NPVF: variants seen among roughly 807,000 people sequenced by gnomAD.
The protein encoded by NPVF is pro-FMRFamide-related neuropeptide VF.
NPVF carries 17 observed loss-of-function variants against 15.7 expected under a neutral mutation model. The ratio of observed to expected loss-of-function variants is 1.08; its 90% CI spans 0.74 to 1.62. NPVF has a LOEUF of 1.62. NPVF is among the 40% of genes most tolerant of loss of function. The pLI is 0.00. For synonymous variants in NPVF, 70 were observed against 80.1 expected, an observed-to-expected ratio of 0.87 and a Z score of 0.67; for missense variants, 270 against 225.2, an observed-to-expected ratio of 1.20 and a Z score of -1.27.
chr7:25,225,309 A>G, intron 2 of NPVF, 136 bp from the exon 3 acceptor site: 1 of 679,288 alleles, frequency 1.5e-6, no homozygotes, highest in South Asian at 1.8e-5. Context: ...TGAGTGAGAT[A>G]TTGGGGGGAT....
intron 2 of NPVF, among the ~76,000 whole-genome samples, chr7:25,226,176 T>C (rs188869897): frequency 2.2e-4 from 33 of 152,320 alleles, no homozygotes; most frequent in Admixed American, 3.9e-4. Flanking sequence ...ACAGAGTTTA[T>C]AAGATGAGAT....
intron 2 of NPVF, among the ~76,000 whole-genome samples, chr7:25,226,293 A>G (rs953535729): frequency 6.6e-6 from 1 of 152,210 alleles, no homozygotes; most frequent in Non-Finnish European, 1.5e-5. Flanking sequence ...ACTCTCTCCC[A>G]TGAGACTTTT....
At position 25,228,339 on chromosome 7, in the gene NPVF, T is replaced by C. The variant is rs1562550010; in HGVS notation, c.101A>G (p.Asn34Ser). The change falls in exon 1 of 3, where the codon AAT (asparagine) becomes AGT (serine). Residue 34 changes from asparagine to serine, a missense_variant. Transcript: ENST00000222674. ...IFCADELVMSNLHSKENYDKY... is the reference protein window; with the variant it reads ...IFCADELVMSSLHSKENYDKY... Reference sequence around the variant, plus strand: ...GTCATAATTTTCTTTGCTGTGAAGATTGGACATCACTAATTCATCTGCACA... The same window carrying C: ...GTCATAATTTTCTTTGCTGTGAAGACTGGACATCACTAATTCATCTGCACA... The C allele has an allele frequency of 3.3e-6, 5 of 1,534,486 alleles. No homozygotes were observed. In the African/African-American group the frequency reaches 5.4e-5, roughly 17 times the overall value.
intron 1 of NPVF, 92 bp from the exon 2 acceptor site, chr7:25,227,118 C>G: frequency 8.9e-7 from 1 of 1,123,946 alleles, no homozygotes; most frequent in Non-Finnish European, 1.3e-6. Flanking sequence ...CTTTAATCTG[C>G]AGAATTGTTA....
In NPVF at chr7:25,225,128, T is replaced by C; in HGVS notation, c.585A>G (p.Glu195=). 1 of 1,613,528 alleles carries C rather than the reference T, an allele frequency of 6.2e-7. No homozygotes were observed. Among genetic ancestry groups the C allele is most frequent in the Non-Finnish European group, 8.5e-7 (1 of 1,179,796 alleles). Residue 195 remains glutamate, a synonymous_variant, in exon 3 of 3, where the codon GAA becomes GAG. Transcript: ENST00000222674. ...KKIDDAELKQ[E]K is the part of the protein sequence containing the mutation. ...GGGACAGGCTCCAGGTTTCTTATTTTTCTTGTTTCAATTCTGCATCATCTA... is the reference window on the plus strand; with the variant it reads ...GGGACAGGCTCCAGGTTTCTTATTTCTCTTGTTTCAATTCTGCATCATCTA...
chr7:25,226,650 T>C lies in NPVF; in HGVS notation c.515A>G (p.Gln172Arg). 6.2e-7 allele frequency: 1 copy of C among 1,613,960 alleles called. No individual in the cohort carries two copies. Among genetic ancestry groups the C allele is most frequent in the Middle Eastern group, 1.6e-4 (1 of 6,062 alleles). ...CCTTGACTGTTTTTGATCGGGATTCTGGATTTCTTGGTGCTGGCAGGTCAT... is the reference window on the plus strand; with the variant it reads ...CCTTGACTGTTTTTGATCGGGATTCCGGATTTCTTGGTGCTGGCAGGTCAT... The part of the protein sequence containing the change: ...YSMTCQHQEI[Q>R]NPDQKQSRRL... The change falls in exon 2 of 3, where the codon CAG becomes CGG. Residue 172 changes from glutamine (Q) to arginine (R), a missense_variant. Gln to Arg is a conservative substitution (Grantham distance 43). Transcript: ENST00000222674.
rs1783108395 is a variant in NPVF at position 25,225,102 on chromosome 7, A to G, written c.*20T>C. The G allele has an allele frequency of 1.2e-6, 2 of 1,610,062 alleles. No individual in the cohort carries two copies. The highest frequency in any genetic ancestry group is 1.7e-6 in the Non-Finnish European group (2 of 1,177,340). On this transcript the variant is annotated 3_prime_UTR_variant, in exon 3 of 3. Coordinates refer to ENST00000222674, the MANE Select transcript of NPVF (RefSeq NM_022150.3). ...TTTGTAGATTACAGGCCACAGCTTT[A>G]GGGACAGGCTCCAGGTTTCTTATTT...
At position 25,226,596 on chromosome 7, in the gene NPVF, A is replaced by G. The variant is rs201577549; in HGVS notation, c.539+30T>C. The stretch of plus-strand genomic sequence containing the variant: ...CTAGACCACCTCTATATAACTGCCC[A>G]TGCACTTTGACTGGTTTCCAGGTAT... On this transcript the variant is annotated intron_variant, in intron 2 of 2. Coordinates refer to ENST00000222674, the MANE Select transcript of NPVF (RefSeq NM_022150.3). 1,656 of 1,603,948 alleles carry G rather than the reference A, an allele frequency of 1.0e-3. 1 individual carries two copies. Among genetic ancestry groups the G allele is most frequent in the Non-Finnish European group, 1.3e-3 (1,553 of 1,173,712 alleles).
At chr7:25,227,800 C>T (rs1304179738) in intron 1 of NPVF, among the ~76,000 whole-genome samples, 3 of 152,082 alleles carry the variant, frequency 2.0e-5, no homozygotes, top group East Asian at 1.9e-4. Context: ...AGTATACACG[C>T]TAATTTCATC....
rs1783107835 is a variant in NPVF, at chr7:25,225,065, G to A, written c.*57C>T. 2.7e-6 allele frequency: 4 copies of A among 1,472,196 alleles called. No individual in the cohort carries two copies. The highest frequency in any genetic ancestry group is 1.8e-5 in the Admixed American group (1 of 55,872). 91.2% of individuals were successfully genotyped at this position (1,472,196 alleles called of 1,614,324 possible). ...GTAGCTACTCTTCCGTGTGGTCTTC[G>A]CTATAGAGCCATTTGTAGATTACAG... On this transcript the variant is annotated 3_prime_UTR_variant, in exon 3 of 3. Transcript: ENST00000222674.
chr7:25,226,931 G>A lies in NPVF; in HGVS notation c.234C>T (p.Val78=), dbSNP rs1783138092. Residue 78 remains valine, a synonymous_variant, in exon 2 of 3, where the codon GTC becomes GTT. Transcript: ENST00000222674. Reference sequence around the variant, plus strand: ...TGGCGAAGGAGTGTGGCATTTTATTGACTGCAGGTGTACTCATCTTAATAA... The same window carrying A: ...TGGCGAAGGAGTGTGGCATTTTATTAACTGCAGGTGTACTCATCTTAATAA... ...KNVIKMSTPA[V]NKMPHSFANL... 3 of 1,612,630 alleles carry A rather than the reference G, an allele frequency of 1.9e-6. No individual in the cohort carries two copies. Among genetic ancestry groups the A allele is most frequent in the Non-Finnish European group, 2.5e-6 (3 of 1,179,736 alleles).
Position 25,228,316 on chromosome 7 carries a change from C to A in NPVF, c.124G>T (p.Asp42Tyr). ...AAAAAACTTACCTCAGAATATTTGT[C>A]ATAATTTTCTTTGCTGTGAAGATTG... ...MSNLHSKENY[D>Y]KYSEPRGYPK... The change falls in exon 1 of 3, where the codon GAC (aspartate) becomes TAC (tyrosine). Residue 42 changes from aspartate (D) to tyrosine (Y), a missense_variant. Transcript: ENST00000222674. 2.0e-6 allele frequency: 3 copies of A among 1,494,330 alleles called. No individual in the cohort carries two copies. The highest frequency in any genetic ancestry group is 2.3e-5 in the South Asian group (2 of 87,288). 92.6% of individuals were successfully genotyped at this position (1,494,330 alleles called of 1,614,324 possible).
chr7:25,226,539 A>C, intron 2 of NPVF, 87 bp downstream of exon 2: 4 of 1,437,946 alleles, frequency 2.8e-6, no homozygotes, highest in Non-Finnish European at 3.8e-6. Flanking sequence ...TTAGAAACTT[A>C]TGTTGAAAAG....
At position 25,224,964 on chromosome 7, in the gene NPVF, C is replaced by T. The variant is rs1330559516; in HGVS notation, c.*158G>A. ...TAACAAATATGCTTTAATTTTTTTA[C>T]AACTTTCAAGATACTATTATAGCTG... On this transcript the variant is annotated 3_prime_UTR_variant, in exon 3 of 3. Coordinates refer to ENST00000222674, the MANE Select transcript of NPVF (RefSeq NM_022150.3). The T allele has an allele frequency of 3.8e-6, 2 of 522,434 alleles. No individual in the cohort carries two copies. The highest frequency in any genetic ancestry group is 6.8e-6 in the Non-Finnish European group (2 of 293,196). The allele number at this position is 522,434 out of a possible 1,614,324, so 32.4% of individuals were successfully genotyped here. A position where few individuals can be genotyped will look rare whatever the true frequency, so the allele number is the denominator to read the frequency against.
chr7:25,227,299 T>C (rs988924451), intron 1 of NPVF, among the ~76,000 whole-genome samples: 2 of 152,200 alleles, frequency 1.3e-5, no homozygotes, highest in Non-Finnish European at 2.9e-5. Flanking sequence ...AGGAACATAA[T>C]GAAGTACTGA....
At chr7:25,227,670 A>G (rs1229773775) in intron 1 of NPVF, among the ~76,000 whole-genome samples, 1 of 152,252 alleles carries the variant, frequency 6.6e-6, no homozygotes, top group African/African-American at 2.4e-5. Flanking sequence ...AAGTATGCCA[A>G]CTTTGTAGGA....
At position 25,225,110 on chromosome 7, in the gene NPVF, G is replaced by A; in HGVS notation, c.*12C>T. 6.2e-7 allele frequency: 1 copy of A among 1,612,046 alleles called. No individual in the cohort carries two copies. Among genetic ancestry groups the A allele is most frequent in the South Asian group, 1.1e-5 (1 of 90,896 alleles). On this transcript the variant is annotated 3_prime_UTR_variant, in exon 3 of 3. Transcript: ENST00000222674. ...TTACAGGCCACAGCTTTAGGGACAG[G>A]CTCCAGGTTTCTTATTTTTCTTGTT...
At chr7:25,225,463 G>T (rs1287006231) in intron 2 of NPVF, among the ~76,000 whole-genome samples, 1 of 152,320 alleles carries the variant, frequency 6.6e-6, no homozygotes, top group East Asian at 1.9e-4. Context: ...AATGTCAGTG[G>T]TTCTCCCTCT....
chr7:25,225,604 T>C (rs112008109), intron 2 of NPVF, among the ~76,000 whole-genome samples: 2,340 of 152,368 alleles, frequency 0.015, 53 homozygotes, highest in African/African-American at 0.054. Context: ...GCGCCTCGGC[T>C]GTTCTTGGCT....
Sources: allele counts gnomAD v4.1 joint callset (sites outside exome capture counted in the v4.1 genomes callset), GRCh38; gene constraint gnomAD v4.1.1; transcripts MANE v1.5; gene names NCBI Gene and HGNC (gene_info 2026-07-23, HGNC 2026-07-21).